The following PLEKHH2 variants were observed in gnomAD, a reference collection of about 807,000 sequenced individuals.
PLEKHH2 encodes the protein pleckstrin homology, MyTH4 and FERM domain containing H2.
PLEKHH2 carries 129 observed loss-of-function variants against 187.9 expected under a neutral mutation model. That is an observed-to-expected ratio of 0.69 (90% CI 0.59 to 0.79). PLEKHH2 has a LOEUF of 0.79. PLEKHH2 is among the 30% of genes least tolerant of loss of function. The pLI is 0.00. For missense variants in PLEKHH2, 2,076 were observed against 1,751.2 expected (o/e 1.19, Z -3.31); for synonymous variants, 686 against 605.6 (o/e 1.13, Z -1.95).
At chr2:43,681,325 G>A in intron 3 of PLEKHH2, 2 of 953,804 alleles carry the variant, frequency 2.1e-6, no homozygotes, top group Middle Eastern at 2.4e-4. Flanking sequence ...GGAATTTGGT[G>A]TTCTCAGCTC....
At chr2:43,658,580 A>T (rs578253320) in intron 2 of PLEKHH2, 1 of 152,354 alleles carries the variant, frequency 6.6e-6, no homozygotes, top group South Asian at 2.1e-4. Context: ...GTTCACTTTC[A>T]ATGGTTCACC....
intron 2 of PLEKHH2, among the ~76,000 whole-genome samples, chr2:43,648,860 G>A (rs151238817): frequency 1.2e-3 from 176 of 152,190 alleles, no homozygotes; most frequent in Admixed American, 1.0e-3. Flanking sequence ...GATTACAGGC[G>A]TGAGCCACCG....
intron 3 of PLEKHH2, among the ~76,000 whole-genome samples, chr2:43,686,431 A>T (rs1668512133): frequency 6.6e-6 from 1 of 152,220 alleles, no homozygotes; most frequent in Non-Finnish European, 1.5e-5. Flanking sequence ...TCCTGACCTC[A>T]GGTGATCCCC....
intron 19 of PLEKHH2, among the ~76,000 whole-genome samples, chr2:43,732,323 A>G (rs1452613213): frequency 6.6e-6 from 1 of 152,152 alleles, no homozygotes; most frequent in Non-Finnish European, 1.5e-5. Flanking sequence ...AGATCACGCC[A>G]CTGCACTCCA....
intron 28 of PLEKHH2, among the ~76,000 whole-genome samples, chr2:43,762,884 A>G (rs1672482582): frequency 6.6e-6 from 1 of 152,138 alleles, no homozygotes; most frequent in Non-Finnish European, 1.5e-5. Flanking sequence ...TTTACCCGAA[A>G]TTTACATTTT....
At chr2:43,717,355 T>A (rs185454940) in intron 15 of PLEKHH2, among the ~76,000 whole-genome samples, 221 of 152,044 alleles carry the variant, frequency 1.5e-3, no homozygotes, top group Non-Finnish European at 2.5e-3. Context: ...GAGGCAGAGG[T>A]TGCAGTGAGC....
chr2:43,698,146 T>C (rs957367446), intron 7 of PLEKHH2, among the ~76,000 whole-genome samples: 12 of 152,130 alleles, frequency 7.9e-5, no homozygotes, highest in African/African-American at 2.4e-4. Context: ...AAGTTGTCTC[T>C]ATGCTTGGTT....
At chr2:43,727,106 G>A (rs1354927952) in intron 17 of PLEKHH2, among the ~76,000 whole-genome samples, 2 of 151,942 alleles carry the variant, frequency 1.3e-5, no homozygotes, top group East Asian at 3.9e-4. Context: ...TGAATCAGAA[G>A]TACTTTCTAA....
At chr2:43,675,587 T>G in intron 2 of PLEKHH2, 1 of 1,613,652 alleles carries the variant, frequency 6.2e-7, no homozygotes, top group Non-Finnish European at 8.5e-7. Context: ...GCGATTGGTT[T>G]TGTATTAAAT....
intron 19 of PLEKHH2, among the ~76,000 whole-genome samples, chr2:43,732,011 C>T (rs1048162803): frequency 1.3e-5 from 2 of 152,164 alleles, no homozygotes; most frequent in South Asian, 2.1e-4. Context: ...ACTTGCCATG[C>T]AACTTCGCAC....
intron 16 of PLEKHH2, among the ~76,000 whole-genome samples, chr2:43,723,842 G>T (rs564831998): frequency 1.3e-5 from 2 of 152,240 alleles, no homozygotes; most frequent in South Asian, 4.1e-4. Context: ...GGCACACGCC[G>T]ACTGCTGATT....
At position 43,745,766 on chromosome 2, in the gene PLEKHH2, G is replaced by C; in HGVS notation, c.3556-100G>C. 1.7e-5 allele frequency: 13 copies of C among 776,426 alleles called. No individual in the cohort carries two copies. In the South Asian group the frequency reaches 2.3e-4, roughly 14 times the overall value. 48.1% of individuals were successfully genotyped at this position (776,426 alleles called of 1,614,324 possible). A position where few individuals can be genotyped will look rare whatever the true frequency, so the allele number is the denominator to read the frequency against. ...CAAAAAGCTTGAGTATATTTGGTTTGATCATATTAATTGAAAAATTTCAGT... is the reference window on the plus strand; with the variant it reads ...CAAAAAGCTTGAGTATATTTGGTTTCATCATATTAATTGAAAAATTTCAGT... On this transcript the variant is annotated intron_variant, in intron 23 of 29. Coordinates refer to ENST00000282406, the MANE Select transcript of PLEKHH2 (RefSeq NM_172069.4).
intron 2 of PLEKHH2, among the ~76,000 whole-genome samples, chr2:43,648,290 G>C (rs1666282336): frequency 6.6e-6 from 1 of 152,014 alleles, no homozygotes; most frequent in South Asian, 2.1e-4. Context: ...CCAGGTTCAA[G>C]CGATTCTTCT....
At chr2:43,676,941 A>G (rs1262771900) in intron 2 of PLEKHH2, among the ~76,000 whole-genome samples, 3 of 152,190 alleles carry the variant, frequency 2.0e-5, no homozygotes, top group African/African-American at 7.2e-5. Context: ...CAAATAGGAC[A>G]TTTGAAGCCT....
At chr2:43,648,609 C>T (rs1666306397) in intron 2 of PLEKHH2, among the ~76,000 whole-genome samples, 1 of 144,774 alleles carries the variant, frequency 6.9e-6, no homozygotes, top group South Asian at 2.2e-4. Context: ...GTGACGGGGT[C>T]CCACTCTGTT....
At chr2:43,697,549 G>T (rs937441932) in intron 7 of PLEKHH2, among the ~76,000 whole-genome samples, 193 bp downstream of exon 7, 1 of 152,130 alleles carries the variant, frequency 6.6e-6, no homozygotes, top group Non-Finnish European at 1.5e-5. Context: ...GAGAGCCTTT[G>T]CATAGGAGAA....
At chr2:43,720,851 C>T in intron 16 of PLEKHH2, 102 bp downstream of exon 16, 1 of 1,467,426 alleles carries the variant, frequency 6.8e-7, no homozygotes, top group Non-Finnish European at 9.0e-7. Flanking sequence ...ACTTCAGAAT[C>T]TTTATGAGGT....
chr2:43,740,304 T>G (rs530358503), intron 20 of PLEKHH2, among the ~76,000 whole-genome samples: 1 of 152,318 alleles, frequency 6.6e-6, no homozygotes, highest in South Asian at 2.1e-4. Context: ...AATTTTTTTG[T>G]TGTTTGAAGA....
chr2:43,693,655 T>C (rs760109222), intron 4 of PLEKHH2, among the ~76,000 whole-genome samples: 16 of 136,374 alleles, frequency 1.2e-4, no homozygotes, highest in Admixed American at 1.7e-4. Flanking sequence ...ACCCAGGAGG[T>C]GGAGCTTGCA....
Sources: allele counts gnomAD v4.1 joint callset (sites outside exome capture counted in the v4.1 genomes callset), GRCh38; gene constraint gnomAD v4.1.1; transcripts MANE v1.5; gene names NCBI Gene and HGNC (gene_info 2026-07-23, HGNC 2026-07-21).